ALK: variants seen among roughly 807,000 people sequenced by gnomAD.
The protein encoded by ALK is ALK receptor tyrosine kinase, also known as ALK tyrosine kinase receptor.
A neutral mutation model predicts 163.1 loss-of-function variants in ALK; 74 were observed. The ratio of observed to expected loss-of-function variants is 0.45; its 90% CI spans 0.38 to 0.55. The LOEUF (loss-of-function observed/expected upper bound fraction) is 0.55. ALK is among the 20% of genes least tolerant of loss of function. The pLI is 0.00. For missense variants in ALK, 2,063 were observed against 2,105.3 expected (o/e 0.98, Z 0.39); for synonymous variants, 960 against 843.2 (o/e 1.14, Z -2.40).
intron 4 of ALK, among the ~76,000 whole-genome samples, chr2:29,399,283 T>A (rs1011504597): frequency 1.3e-5 from 2 of 152,196 alleles, no homozygotes; most frequent in Non-Finnish European, 2.9e-5. Flanking sequence ...ATAACAGAGA[T>A]GAGGTTCCAA....
chr2:29,222,162 C>T (rs757342652), intron 22 of ALK, among the ~76,000 whole-genome samples, 182 bp downstream of exon 22: 4 of 152,182 alleles, frequency 2.6e-5, no homozygotes, highest in Non-Finnish European at 5.9e-5. Context: ...CTGAAACAAC[C>T]ATCAAGGGTT....
chr2:29,334,216 A>G (rs1012146952), intron 5 of ALK, among the ~76,000 whole-genome samples: 2 of 152,094 alleles, frequency 1.3e-5, no homozygotes, highest in Non-Finnish European at 2.9e-5. Context: ...GCTACATATC[A>G]TTACTATGGC....
At chr2:29,778,234 G>A (rs958340724) in intron 1 of ALK, among the ~76,000 whole-genome samples, 1 of 152,224 alleles carries the variant, frequency 6.6e-6, no homozygotes, top group Admixed American at 6.5e-5. Context: ...AGGTGGCAGA[G>A]TTAATCACCT....
intron 4 of ALK, among the ~76,000 whole-genome samples, chr2:29,475,455 A>G (rs954727489): frequency 7.9e-5 from 12 of 152,118 alleles, no homozygotes; most frequent in African/African-American, 2.9e-4. Context: ...CTTTTCCCAG[A>G]ATCCCTCCCT....
chr2:29,400,839 G>T (rs1004338498), intron 4 of ALK, among the ~76,000 whole-genome samples: 3 of 152,132 alleles, frequency 2.0e-5, no homozygotes, highest in African/African-American at 7.2e-5. Flanking sequence ...GCCAGGCATG[G>T]TGGCACATGC....
At chr2:29,409,754 C>T (rs1423566505) in intron 4 of ALK, among the ~76,000 whole-genome samples, 1 of 152,144 alleles carries the variant, frequency 6.6e-6, no homozygotes, top group Non-Finnish European at 1.5e-5. Flanking sequence ...TTATCTGTGT[C>T]CTTGATTCCT....
At chr2:29,206,597 C>CCTTT (rs1669316234) in intron 26 of ALK, among the ~76,000 whole-genome samples, 1 of 152,050 alleles carries the variant, frequency 6.6e-6, no homozygotes, top group South Asian at 2.1e-4. Flanking sequence ...AATTTCTGGA[C>CCTTT]CTTTCTGGGG....
chr2:29,693,128 G>T (rs889241321), intron 3 of ALK, among the ~76,000 whole-genome samples: 2 of 151,998 alleles, frequency 1.3e-5, no homozygotes, highest in Non-Finnish European at 2.9e-5. Context: ...GATCTAGGTG[G>T]GATACAGGAA....
chr2:29,333,648 C>A (rs1436211496), intron 5 of ALK, among the ~76,000 whole-genome samples: 1 of 152,136 alleles, frequency 6.6e-6, no homozygotes, highest in Non-Finnish European at 1.5e-5. Context: ...GAGACAGGGT[C>A]TCTGTCACCT....
chr2:29,230,107 G>T (rs936843755), intron 15 of ALK, among the ~76,000 whole-genome samples: 4 of 152,094 alleles, frequency 2.6e-5, no homozygotes, highest in Non-Finnish European at 4.4e-5. Context: ...GAGGTTCCAG[G>T]ATCCCTCCAT....
chr2:29,344,335 C>G (rs918720365), intron 5 of ALK, among the ~76,000 whole-genome samples: 3 of 152,170 alleles, frequency 2.0e-5, no homozygotes, highest in Non-Finnish European at 2.9e-5. Flanking sequence ...ACTGCTTGGA[C>G]TAACAGCATA....
chr2:29,548,750 T>C (rs1673636220), intron 3 of ALK, among the ~76,000 whole-genome samples: 1 of 152,148 alleles, frequency 6.6e-6, no homozygotes, highest in African/African-American at 2.4e-5. Flanking sequence ...AAATTAATAA[T>C]ATTTAACAAA....
intron 4 of ALK, among the ~76,000 whole-genome samples, chr2:29,408,125 C>T (rs1669635679): frequency 6.6e-6 from 1 of 151,022 alleles, no homozygotes; most frequent in Non-Finnish European, 1.5e-5. Context: ...CTCTGTCACC[C>T]AGGCTGAAGT....
intron 15 of ALK, among the ~76,000 whole-genome samples, chr2:29,232,092 CT>C (rs1664226320): frequency 6.6e-6 from 1 of 152,210 alleles, no homozygotes; most frequent in Non-Finnish European, 1.5e-5. Context: ...TCTCAGTGAC[CT>C]TCTACAAGTC....
intron 4 of ALK, among the ~76,000 whole-genome samples, chr2:29,500,625 C>T (rs55704729): frequency 0.42 from 63,817 of 151,844 alleles, 14,041 homozygotes; most frequent in Middle Eastern, 0.5. Flanking sequence ...ACTTCACCTC[C>T]TCCCTGCTCC....
intron 3 of ALK, among the ~76,000 whole-genome samples, chr2:29,652,084 G>A (rs1677054952): frequency 6.6e-6 from 1 of 152,178 alleles, no homozygotes; most frequent in Non-Finnish European, 1.5e-5. Flanking sequence ...GGTTAATTAA[G>A]AGAGCTTCTA....
chr2:29,671,048 G>C (rs1050167525), intron 3 of ALK, among the ~76,000 whole-genome samples: 1 of 151,982 alleles, frequency 6.6e-6, no homozygotes, highest in African/African-American at 2.4e-5. Flanking sequence ...TTCCCTGTTA[G>C]CTGTTGTTTT....
intron 3 of ALK, among the ~76,000 whole-genome samples, chr2:29,690,693 G>T (rs1054289457): frequency 2.6e-5 from 4 of 152,020 alleles, no homozygotes; most frequent in Non-Finnish European, 1.5e-5. Context: ...GCTCTGAATT[G>T]TATCTTCCTT....
chr2:29,415,622 C>T (rs1041865505), intron 4 of ALK, among the ~76,000 whole-genome samples: 1 of 152,140 alleles, frequency 6.6e-6, no homozygotes, highest in African/African-American at 2.4e-5. Context: ...ATTTTATGCA[C>T]CAGCATGACT....
Sources: allele counts gnomAD v4.1 joint callset (sites outside exome capture counted in the v4.1 genomes callset), GRCh38; gene constraint gnomAD v4.1.1; transcripts MANE v1.5; gene names NCBI Gene and HGNC (gene_info 2026-07-23, HGNC 2026-07-21).